SNTG2: variants seen among roughly 807,000 people sequenced by gnomAD.
SNTG2 encodes gamma-2-syntrophin.
A neutral mutation model predicts 70.9 loss-of-function variants in SNTG2; 74 were observed. The ratio of observed to expected loss-of-function variants is 1.04; its 90% CI spans 0.86 to 1.27. The LOEUF (loss-of-function observed/expected upper bound fraction) is 1.27, where lower values mean the gene tolerates loss of function less well. SNTG2 is among the 50% of genes most tolerant of loss of function. The pLI is 0.00. For missense variants in SNTG2, 717 were observed against 690.7 expected (o/e 1.04, Z -0.43); for synonymous variants, 278 against 273.8 (o/e 1.02, Z -0.15).
At chr2:1,301,546 G>A (rs893717590) in intron 14 of SNTG2, among the ~76,000 whole-genome samples, 1 of 152,080 alleles carries the variant, frequency 6.6e-6, no homozygotes, top group African/African-American at 2.4e-5. Context: ...TTACAATTAA[G>A]CTCATGAAAA....
At chr2:1,212,402 T>C (rs1274383638) in intron 9 of SNTG2, among the ~76,000 whole-genome samples, 1 of 152,214 alleles carries the variant, frequency 6.6e-6, no homozygotes, top group Non-Finnish European at 1.5e-5. Context: ...ACTACAGAAC[T>C]GTGAGCTGGT....
intron 8 of SNTG2, among the ~76,000 whole-genome samples, chr2:1,187,583 A>C (rs1001144764): frequency 1.3e-5 from 2 of 152,142 alleles, no homozygotes; most frequent in Non-Finnish European, 1.5e-5. Flanking sequence ...ACAAACACAC[A>C]CACCCCTCAT....
intron 16 of SNTG2, among the ~76,000 whole-genome samples, chr2:1,330,829 GAGCTCAGTTTTGGTA>G (rs1659486185): frequency 6.6e-6 from 1 of 152,164 alleles, no homozygotes. Context: ...CCTTAAAGGA[GAGCTCAGTTTTGGTA>G]AGCAGTGTCC....
chr2:1,128,880 T>C (rs1055247072), intron 4 of SNTG2, among the ~76,000 whole-genome samples: 4 of 152,138 alleles, frequency 2.6e-5, no homozygotes, highest in African/African-American at 9.7e-5. Flanking sequence ...GTTATTCCAG[T>C]TGATTTTTTA....
intron 1 of SNTG2, among the ~76,000 whole-genome samples, chr2:1,030,191 G>A (rs1377476256): frequency 6.6e-6 from 1 of 152,142 alleles, no homozygotes; most frequent in Non-Finnish European, 1.5e-5. Flanking sequence ...GCATTTTCCT[G>A]TGTCACTGGC....
chr2:1,328,817 A>T (rs1426246308), intron 16 of SNTG2, among the ~76,000 whole-genome samples: 1 of 152,094 alleles, frequency 6.6e-6, no homozygotes, highest in Non-Finnish European at 1.5e-5. Context: ...ATACACACAC[A>T]TGCACGCACA....
chr2:988,120 C>T (rs917131053), intron 1 of SNTG2, among the ~76,000 whole-genome samples: 2 of 152,252 alleles, frequency 1.3e-5, no homozygotes, highest in African/African-American at 2.4e-5. Context: ...AAGTACGCAT[C>T]TTTCCCAGCC....
At chr2:982,221 AT>A (rs879570012) in intron 1 of SNTG2, among the ~76,000 whole-genome samples, 1 of 151,930 alleles carries the variant, frequency 6.6e-6, no homozygotes, top group African/African-American at 2.4e-5. Flanking sequence ...CTTGAGTTTT[AT>A]TTTTTTTAAT....
At chr2:1,292,619 C>A (rs73177753) in intron 14 of SNTG2, among the ~76,000 whole-genome samples, 1 of 151,944 alleles carries the variant, frequency 6.6e-6, no homozygotes. Context: ...TTTCTTTTTC[C>A]TTCCTTTTGT....
chr2:1,338,810 A>T (rs1347307023), intron 16 of SNTG2, among the ~76,000 whole-genome samples: 1 of 152,226 alleles, frequency 6.6e-6, no homozygotes, highest in Non-Finnish European at 1.5e-5. Flanking sequence ...GGCTATTGTG[A>T]ATAATGGTGC....
intron 11 of SNTG2, among the ~76,000 whole-genome samples, chr2:1,241,232 A>G (rs28382341): frequency 0.011 from 1,627 of 152,162 alleles, 24 homozygotes; most frequent in African/African-American, 0.036. Context: ...CCTGTTTCTC[A>G]GTTTGTTCGT....
chr2:982,019 C>G (rs985009541), intron 1 of SNTG2, among the ~76,000 whole-genome samples: 1 of 152,166 alleles, frequency 6.6e-6, no homozygotes, highest in Non-Finnish European at 1.5e-5. Context: ...CAGATGCACA[C>G]AGACACACAC....
At chr2:1,154,737 A>G (rs1669739176) in intron 6 of SNTG2, among the ~76,000 whole-genome samples, 1 of 152,142 alleles carries the variant, frequency 6.6e-6, no homozygotes, top group South Asian at 2.1e-4. Context: ...CCCCTATTTA[A>G]GGAAAATGGA....
chr2:1,238,609 C>G (rs1371437258), intron 10 of SNTG2, among the ~76,000 whole-genome samples: 2 of 152,200 alleles, frequency 1.3e-5, no homozygotes, highest in Non-Finnish European at 1.5e-5. Flanking sequence ...CTTGATGACA[C>G]GGGCGTTGCC....
intron 16 of SNTG2, among the ~76,000 whole-genome samples, chr2:1,347,657 C>A (rs1344508718): frequency 6.6e-6 from 1 of 152,190 alleles, no homozygotes; most frequent in Non-Finnish European, 1.5e-5. Context: ...CATGTGAGTT[C>A]AGCATTAAGG....
rs147524950 is a variant in SNTG2 at position 1,078,629 on chromosome 2, A to G, written c.73-4889A>G. 8.7e-3 allele frequency among the ~76,000 whole-genome samples: 1,330 copies of G among 152,300 alleles called. 7 individuals carry two copies. The highest frequency in any genetic ancestry group is 0.01 in the Non-Finnish European group (688 of 68,008). ...CTGGCTTTTCCTTTGAGAAATGGCA[A>G]ACTTTGGGGAGATTTTGTTCAGAGA... On this transcript the variant is annotated intron_variant, in intron 1 of 16. Coordinates refer to ENST00000308624, the MANE Select transcript of SNTG2 (RefSeq NM_018968.4).
intron 1 of SNTG2, among the ~76,000 whole-genome samples, chr2:989,696 A>G (rs1042102767): frequency 1.3e-5 from 2 of 152,262 alleles, no homozygotes; most frequent in Non-Finnish European, 2.9e-5. Flanking sequence ...CTGGCATTAT[A>G]AAACGAGTTG....
rs1344222267 is a variant in SNTG2, at chr2:1,221,986, T to C, written c.719+12756T>C. On this transcript the variant is annotated intron_variant, in intron 9 of 16. Coordinates refer to ENST00000308624, the MANE Select transcript of SNTG2 (RefSeq NM_018968.4). ...CTCTCTGTCTCTGTCTCTGTCTCTCTCTGTCTCTGTCTCTGTCTCTCTCTG... is the reference window on the plus strand; with the variant it reads ...CTCTCTGTCTCTGTCTCTGTCTCTCCCTGTCTCTGTCTCTGTCTCTCTCTG... Among the ~76,000 whole-genome samples the C allele has an allele frequency of 6.6e-5, 2 of 30,444 alleles. 1 individual carries two copies. Among genetic ancestry groups the C allele is most frequent in the African/African-American group, 2.0e-4 (2 of 9,760 alleles). The allele number at this position is 30,444 out of a possible 152,430, so 20.0% of individuals were successfully genotyped here.
At chr2:1,100,898 C>G (rs576060876) in intron 4 of SNTG2, among the ~76,000 whole-genome samples, 56 of 152,230 alleles carry the variant, frequency 3.7e-4, no homozygotes, top group African/African-American at 1.3e-3. Context: ...AGGGGAGAAA[C>G]AGCTCAAGAA....
Sources: gnomAD v4.1 joint callset for allele counts (sites outside exome capture counted in the v4.1 genomes callset) on GRCh38, gnomAD v4.1.1 for gene constraint, MANE v1.5 for transcripts, NCBI Gene and HGNC (gene_info 2026-07-23, HGNC 2026-07-21) for gene names.